The following DDX5 variants were observed in gnomAD, a reference collection of about 807,000 sequenced individuals.
The protein encoded by DDX5 is probable ATP-dependent RNA helicase DDX5.
DDX5 carries 6 observed loss-of-function variants against 68.6 expected under a neutral mutation model. The observed-to-expected ratio is 0.09, with a 90% CI of 0.05 to 0.17. The LOEUF is 0.17. DDX5 is among the 10% of genes least tolerant of loss of function. DDX5 has a pLI of 1.00. For missense variants in DDX5, 499 were observed against 756.1 expected (o/e 0.66, Z 3.99); for synonymous variants, 350 against 247.0 (o/e 1.42, Z -3.91).
chr17:64,504,934 A>G, intron 1 of DDX5, 92 bp from the exon 2 acceptor site: 1 of 1,285,770 alleles, frequency 7.8e-7, no homozygotes, highest in Non-Finnish European at 1.1e-6. Flanking sequence ...GCTAAAAACC[A>G]CTGAAAACAG....
intron 1 of DDX5, 24 bp downstream of exon 1, chr17:64,506,052 T>C: frequency 1.2e-6 from 1 of 862,434 alleles, no homozygotes; most frequent in Middle Eastern, 3.5e-4. Flanking sequence ...CCGCCAGGCC[T>C]GACAGCTCGG....
At position 64,499,531 on chromosome 17, in the gene DDX5, AAAACC is replaced by A. The variant is rs201948796; in HGVS notation, c.*387_*391del. On this transcript the variant is annotated 3_prime_UTR_variant, in exon 13 of 13. Coordinates refer to ENST00000225792, the MANE Select transcript of DDX5 (RefSeq NM_004396.5). ...CAGTCATTTGTTTTCATGGAAAAAA[AAAACC>A]AAACAAAAACAAAAAAAAAACCAGA... The A allele has an allele frequency of 0.028, 6,165 of 216,960 alleles. 366 individuals are homozygous for A. Among genetic ancestry groups the A allele is most frequent in the African/African-American group, 0.17 (5,744 of 33,262 alleles). 13.4% of individuals were successfully genotyped at this position (216,960 alleles called of 1,614,324 possible). A position where few individuals can be genotyped will look rare whatever the true frequency, so the allele number is the denominator to read the frequency against.
chr17:64,505,776 C>A, intron 1 of DDX5: 1 of 1,536,164 alleles, frequency 6.5e-7, no homozygotes, highest in Non-Finnish European at 8.7e-7. Flanking sequence ...TGCCTCGAAG[C>A]GTCCCGCTTT....
At chr17:64,501,058 GATC>G (rs1177343303) in intron 11 of DDX5, 59 of 472,136 alleles carry the variant, frequency 1.2e-4, no homozygotes, top group African/African-American at 1.8e-4. Flanking sequence ...TTCCCTTACA[GATC>G]ATCAAGTGAC....
chr17:64,506,401 A>G (rs993465468), upstream of DDX5: 9 of 1,396,230 alleles, frequency 6.4e-6, no homozygotes, highest in Admixed American at 2.7e-4. Flanking sequence ...CATAGGCCGC[A>G]ACGCCCGCTG....
At position 64,505,368 on chromosome 17, in the gene DDX5, G is replaced by C. The variant is rs140708905; in HGVS notation, c.45-526C>G. 5.4e-3 allele frequency: 2,356 copies of C among 435,122 alleles called. 53 individuals carry two copies. The highest frequency in any genetic ancestry group is 0.043 in the African/African-American group (2,158 of 50,202). 27.0% of individuals were successfully genotyped at this position (435,122 alleles called of 1,614,324 possible). A position where few individuals can be genotyped will look rare whatever the true frequency, so the allele number is the denominator to read the frequency against. On this transcript the variant is annotated intron_variant, in intron 1 of 12. Coordinates refer to ENST00000225792, the MANE Select transcript of DDX5 (RefSeq NM_004396.5). ...GCAAACCCAGCTGGGGGAACGCCGC[G>C]GTAGAGCTCCGGATCAACGAATCAA...
intron 8 of DDX5, 124 bp downstream of exon 8, chr17:64,502,802 T>C: frequency 1.0e-6 from 1 of 999,960 alleles, no homozygotes. Context: ...TTTTCAGGAT[T>C]AGTAGGCTAA....
upstream of DDX5, chr17:64,506,863 G>A (rs1248290005): frequency 1.1e-5 from 7 of 621,438 alleles, no homozygotes; most frequent in African/African-American, 1.3e-4. Flanking sequence ...GGCGGAGAAT[G>A]GTCTCTAAAC....
chr17:64,506,020 A>AACCCCCCCCCCCCC, intron 1 of DDX5, 56 bp downstream of exon 1: 2 of 868,076 alleles, frequency 2.3e-6, no homozygotes, highest in Non-Finnish European at 1.7e-6. Flanking sequence ...CGCCACCCTG[A>AACCCCCCCCCCCCC]CCCGCCCTCC....
At chr17:64,506,481 G>T, upstream of DDX5, 1 of 1,052,184 alleles carries the variant, frequency 9.5e-7, no homozygotes, top group Non-Finnish European at 1.3e-6. Flanking sequence ...ACCCACCATT[G>T]GAATGCCTCA....
At position 64,498,515 on chromosome 17, in the gene DDX5, T is replaced by A. The variant is rs149118821; in HGVS notation, c.*1408A>T. Among the ~76,000 whole-genome samples, 1 of 152,232 alleles carries A rather than the reference T, an allele frequency of 6.6e-6. No homozygotes were observed. The highest frequency in any genetic ancestry group is 2.1e-4 in the South Asian group (1 of 4,828). On this transcript the variant is annotated 3_prime_UTR_variant, in exon 13 of 13. Transcript: ENST00000225792. ...ACCATGAATTTGACTAACCATGCCA[T>A]TGAAAACCATCCAGGTTACTACAGG...
chr17:64,500,111 C>T lies in DDX5; in HGVS notation c.1657G>A (p.Gly553Ser), dbSNP rs1555670737. The change falls in exon 13 of 13, where the codon GGT becomes AGT. Residue 553 changes from glycine (G) to serine (S), a missense_variant. Gly to Ser is a moderately conservative substitution (Grantham distance 56, BLOSUM62 0). This residue lies in a region of DDX5 where 171 missense variants were observed against 174.8 expected (regional missense o/e 0.98). Coordinates refer to ENST00000225792, the MANE Select transcript of DDX5 (RefSeq NM_004396.5). ...GSFGSNFVSA[G>S]IQTSFRTGNP... ...CCAGTCCTAAAACTGGTCTGTATACCAGCAGACACAAAATTACTTCCAAAG... is the reference window on the plus strand; with the variant it reads ...CCAGTCCTAAAACTGGTCTGTATACTAGCAGACACAAAATTACTTCCAAAG... The T allele has an allele frequency of 6.2e-7, 1 of 1,614,112 alleles. No individual in the cohort carries two copies. The highest frequency in any genetic ancestry group is 8.5e-7 in the Non-Finnish European group (1 of 1,179,998).
Position 64,502,557 on chromosome 17 carries a change from T to C in DDX5, c.984-8A>G, listed in dbSNP as rs782625600. On this transcript the variant is annotated splice_polypyrimidine_tract_variant and splice_region_variant and intron_variant, in intron 8 of 12. Coordinates refer to ENST00000225792, the MANE Select transcript of DDX5 (RefSeq NM_004396.5). ...TCCATTAGACGAATAAGTCTAATAA[T>C]AGGAGAGAGAAAGGAAAAATCCTGA... 1.9e-5 allele frequency: 30 copies of C among 1,580,896 alleles called. No individual in the cohort carries two copies. The highest frequency in any genetic ancestry group is 1.6e-5 in the Non-Finnish European group (19 of 1,152,198).
At position 64,499,528 on chromosome 17, in the gene DDX5, A is replaced by C. The variant is rs1414819297; in HGVS notation, c.*395T>G. ...GAACAGTCATTTGTTTTCATGGAAA[A>C]AAAAAACCAAACAAAAACAAAAAAA... On this transcript the variant is annotated 3_prime_UTR_variant, in exon 13 of 13. Coordinates refer to ENST00000225792, the MANE Select transcript of DDX5 (RefSeq NM_004396.5). The C allele has an allele frequency of 1.4e-5, 3 of 208,782 alleles. No homozygotes were observed. The highest frequency in any genetic ancestry group is 2.6e-5 in the Non-Finnish European group (3 of 116,000). The allele number at this position is 208,782 out of a possible 1,614,324, so 12.9% of individuals were successfully genotyped here. A position where few individuals can be genotyped will look rare whatever the true frequency, so the allele number is the denominator to read the frequency against.
Position 64,498,685 on chromosome 17 carries a change from G to GA in DDX5, c.*1237dup, listed in dbSNP as rs1293036602. 6.6e-6 allele frequency among the ~76,000 whole-genome samples: 1 copy of GA among 151,360 alleles called. No homozygotes were observed. The highest frequency in any genetic ancestry group is 1.9e-4 in the East Asian group (1 of 5,198). ...CAGAATTTAAATGAAGTCTCCTGAA[G>GA]ACCTCTCTTCTGGCAAAAAAAAACA... On this transcript the variant is annotated 3_prime_UTR_variant, in exon 13 of 13. Coordinates refer to ENST00000225792, the MANE Select transcript of DDX5 (RefSeq NM_004396.5).
intron 1 of DDX5, 126 bp downstream of exon 1, chr17:64,505,950 G>C: frequency 6.5e-7 from 1 of 1,536,666 alleles, no homozygotes; most frequent in South Asian, 1.2e-5. Context: ...AAGCCTTCGG[G>C]AAAGGAAGTC....
Position 64,504,121 on chromosome 17 carries a change from A to C in DDX5, c.308-5T>G, listed in dbSNP as rs1555671639. The C allele has an allele frequency of 6.2e-7, 1 of 1,614,072 alleles. No homozygotes were observed. The highest frequency in any genetic ancestry group is 1.7e-5 in the Admixed American group (1 of 60,020). On this transcript the variant is annotated splice_region_variant and splice_polypyrimidine_tract_variant and intron_variant, in intron 3 of 12. Transcript: ENST00000225792. ...CAATAACATCCATGACATTTGCTAT[A>C]ATTAGTAACAGATATTTAGTAAAAA...
At chr17:64,505,372 G>A (rs2038435615) in intron 1 of DDX5, 2 of 445,224 alleles carry the variant, frequency 4.5e-6, no homozygotes, top group East Asian at 8.0e-5. Context: ...CGCCGCGGTA[G>A]AGCTCCGGAT....
chr17:64,499,737 A>C lies in DDX5; in HGVS notation c.*186T>G, dbSNP rs906888615. 3 of 505,180 alleles carry C rather than the reference A, an allele frequency of 5.9e-6. No individual in the cohort carries two copies. The highest frequency in any genetic ancestry group is 3.9e-5 in the African/African-American group (2 of 51,454). The allele number at this position is 505,180 out of a possible 1,614,324, so 31.3% of individuals were successfully genotyped here. A position where few individuals can be genotyped will look rare whatever the true frequency, so the allele number is the denominator to read the frequency against. Reference sequence around the variant, plus strand: ...GCCTGCATTTTCTAGTACAAAAAAAACCTAAAAATTGTTTCAGGAATGTAG... The same window carrying C: ...GCCTGCATTTTCTAGTACAAAAAAACCCTAAAAATTGTTTCAGGAATGTAG... On this transcript the variant is annotated 3_prime_UTR_variant, in exon 13 of 13. Transcript: ENST00000225792.
Sources: gnomAD v4.1 joint callset for allele counts (sites outside exome capture counted in the v4.1 genomes callset) on GRCh38, gnomAD v4.1.1 for gene constraint, gnomAD v4.1.1 regional missense constraint, MANE v1.5 for transcripts, NCBI Gene and HGNC (gene_info 2026-07-23, HGNC 2026-07-21) for gene names.